The following MAPK10 variants were observed in gnomAD, a reference collection of about 807,000 sequenced individuals.
MAPK10 encodes the protein JNK3 alpha protein kinase.
In MAPK10, 25 loss-of-function variants were observed where a neutral mutation model predicts 59.3. That is an observed-to-expected ratio of 0.42 (90% confidence interval 0.31 to 0.59). The LOEUF (loss-of-function observed/expected upper bound fraction) is 0.59. MAPK10 is among the 20% of genes least tolerant of loss of function. The pLI, the probability that MAPK10 is intolerant of heterozygous loss-of-function variation, is 0.15. For missense variants in MAPK10, 351 were observed against 568.9 expected (o/e 0.62, Z 3.90); for synonymous variants, 190 against 200.5 (o/e 0.95, Z 0.44).
At chr4:86,060,567 TA>T (rs1469184814) in intron 11 of MAPK10, among the ~76,000 whole-genome samples, 9 of 152,146 alleles carry the variant, frequency 5.9e-5, no homozygotes, top group Non-Finnish European at 1.2e-4. Flanking sequence ...GCAGGGTGCC[TA>T]AACTCAGTAA....
chr4:86,230,471 T>C (rs1365416929), intron 2 of MAPK10, among the ~76,000 whole-genome samples: 1 of 152,226 alleles, frequency 6.6e-6, no homozygotes, highest in Non-Finnish European at 1.5e-5. Context: ...ATAGACTATC[T>C]CTTCTAATTT....
intron 1 of MAPK10, among the ~76,000 whole-genome samples, chr4:86,540,058 T>A (rs1758552525): frequency 6.6e-6 from 1 of 152,228 alleles, no homozygotes; most frequent in East Asian, 1.9e-4. Flanking sequence ...TTATTTCTAT[T>A]GCCCTATAAC....
intron 1 of MAPK10, among the ~76,000 whole-genome samples, chr4:86,442,270 T>G (rs1364842496): frequency 6.6e-6 from 1 of 152,236 alleles, no homozygotes; most frequent in African/African-American, 2.4e-5. Flanking sequence ...TTTCAATATT[T>G]CAATCTTTTT....
rs543239258 is a variant in MAPK10 at position 86,279,002 on chromosome 4, A to G, written c.-7+75528T>C. Among the ~76,000 whole-genome samples, 16 of 152,258 alleles carry G rather than the reference A, an allele frequency of 1.1e-4. 1 individual carries two copies. In the South Asian group the frequency reaches 3.1e-3, roughly 30 times the overall value. On this transcript the variant is annotated intron_variant, in intron 2 of 13. Coordinates refer to ENST00000641462, the MANE Select transcript of MAPK10 (RefSeq NM_138982.4). ...AAACTGGGGAAATATGTTAAAGTTC[A>G]TCATTTGTTAATAGTAATGTCTCAA...
intron 1 of MAPK10, among the ~76,000 whole-genome samples, chr4:86,434,721 G>A (rs1748485570): frequency 6.6e-6 from 1 of 152,206 alleles, no homozygotes; most frequent in Non-Finnish European, 1.5e-5. Flanking sequence ...CAGCCACTAT[G>A]GAGGACAGTA....
At chr4:86,590,452 A>G (rs187286542) in intron 1 of MAPK10, among the ~76,000 whole-genome samples, 28 of 152,258 alleles carry the variant, frequency 1.8e-4, no homozygotes, top group African/African-American at 6.3e-4. Context: ...TCATTTTATC[A>G]AATTCCTAAA....
At chr4:86,085,228 A>G (rs1269624344) in intron 9 of MAPK10, among the ~76,000 whole-genome samples, 2 of 152,216 alleles carry the variant, frequency 1.3e-5, no homozygotes, top group Non-Finnish European at 2.9e-5. Flanking sequence ...ACAAGCAACC[A>G]AAGTAAAAAT....
intron 2 of MAPK10, among the ~76,000 whole-genome samples, chr4:86,241,110 G>A (rs1477864719): frequency 6.6e-6 from 1 of 152,136 alleles, no homozygotes; most frequent in East Asian, 1.9e-4. Flanking sequence ...AGTTTGGCTG[G>A]ATATGAAATT....
At chr4:86,426,386 A>G (rs567451814) in intron 1 of MAPK10, among the ~76,000 whole-genome samples, 3 of 152,202 alleles carry the variant, frequency 2.0e-5, no homozygotes, top group Admixed American at 6.5e-5. Context: ...GCTGTTTTCT[A>G]CTTGAAGTAA....
At chr4:86,453,476 T>C (rs1308179883), upstream of MAPK10, 1 of 152,232 alleles carries the variant, frequency 6.6e-6, no homozygotes, top group Non-Finnish European at 1.5e-5. Flanking sequence ...GACTGCCAGC[T>C]TGCCCGCACT....
In MAPK10 at chr4:86,359,999, C is replaced by A; in HGVS notation, c.-463G>T. The A allele has an allele frequency of 1.7e-5, 17 of 985,856 alleles. No homozygotes were observed. Among genetic ancestry groups the A allele is most frequent in the Non-Finnish European group, 2.0e-5 (17 of 829,982 alleles). The allele number at this position is 985,856 out of a possible 1,614,324, so 61.1% of individuals were successfully genotyped here. On this transcript the variant is annotated 5_prime_UTR_variant, in exon 1 of 14. Coordinates refer to ENST00000641462, the MANE Select transcript of MAPK10 (RefSeq NM_138982.4). Reference sequence around the variant, plus strand: ...AGAAGAAGAGTGGCTTGCTGAATCACCCTCTTTCACTGCCTGGAAACCATT... The same window carrying A: ...AGAAGAAGAGTGGCTTGCTGAATCAACCTCTTTCACTGCCTGGAAACCATT...
At chr4:86,314,150 G>A (rs1249017354) in intron 2 of MAPK10, among the ~76,000 whole-genome samples, 1 of 152,122 alleles carries the variant, frequency 6.6e-6, no homozygotes, top group Non-Finnish European at 1.5e-5. Flanking sequence ...TAGAATGACA[G>A]AAGTCAGAAG....
intron 1 of MAPK10, among the ~76,000 whole-genome samples, chr4:86,379,739 A>G (rs1740399468): frequency 6.6e-6 from 1 of 152,210 alleles, no homozygotes; most frequent in Admixed American, 6.5e-5. Flanking sequence ...TATAATCTAT[A>G]GAAACAATGC....
intron 1 of MAPK10, among the ~76,000 whole-genome samples, chr4:86,397,864 CAAAAAAAAAAAAA>C (rs759585442): frequency 3.9e-5 from 2 of 51,772 alleles, no homozygotes; most frequent in East Asian, 6.3e-4. Flanking sequence ...TCTGCTATGG[CAAAAAAAAAAAAA>C]AAAAAAAAAA....
At chr4:86,243,544 C>A (rs181326135) in intron 2 of MAPK10, among the ~76,000 whole-genome samples, 51 of 152,262 alleles carry the variant, frequency 3.3e-4, no homozygotes, top group African/African-American at 1.2e-3. Context: ...ACACTCTAGC[C>A]AGGCTTGCAC....
intron 1 of MAPK10, among the ~76,000 whole-genome samples, chr4:86,549,112 ATAT>A (rs924493191): frequency 9.8e-5 from 15 of 152,294 alleles, no homozygotes; most frequent in Admixed American, 1.3e-4. Flanking sequence ...AAAAGCTTAT[ATAT>A]TATTAAACAT....
rs34008671 is a variant in MAPK10, at chr4:86,015,008, T to TAAAAAAA, written c.*2213_*2219dup. 1 of 110,140 alleles carries TAAAAAAA rather than the reference T, an allele frequency of 9.1e-6. No individual in the cohort carries two copies. The highest frequency in any genetic ancestry group is 1.9e-5 in the Non-Finnish European group (1 of 52,052). The allele number at this position is 110,140 out of a possible 1,614,324, so 6.8% of individuals were successfully genotyped here. ...TAGAGATACAGAGAGGAGAAGTTTT[T>TAAAAAAA]AAAAAAAAAAAAAAAAAACAGGAAT... is the stretch of plus-strand genomic sequence containing the variant. On this transcript the variant is annotated 3_prime_UTR_variant, in exon 14 of 14. Coordinates refer to ENST00000641462, the MANE Select transcript of MAPK10 (RefSeq NM_138982.4).
intron 1 of MAPK10, among the ~76,000 whole-genome samples, chr4:86,378,802 T>C (rs1453166399): frequency 1.3e-5 from 2 of 152,148 alleles, no homozygotes; most frequent in Non-Finnish European, 2.9e-5. Context: ...AAATCCCTCA[T>C]GGACCCAGCC....
At chr4:86,458,362 C>T (rs1250826285) in intron 1 of MAPK10, among the ~76,000 whole-genome samples, 5 of 150,956 alleles carry the variant, frequency 3.3e-5, no homozygotes, top group East Asian at 2.0e-4. Flanking sequence ...CTTGGGAGGC[C>T]GAGGCAGGAG....
Sources: gnomAD v4.1 joint callset for allele counts (sites outside exome capture counted in the v4.1 genomes callset) on GRCh38, gnomAD v4.1.1 for gene constraint, MANE v1.5 for transcripts, NCBI Gene and HGNC (gene_info 2026-07-23, HGNC 2026-07-21) for gene names.